DNAJC5: variants seen among roughly 807,000 people sequenced by gnomAD.
DNAJC5 encodes DnaJ heat shock protein family (Hsp40) member C5.
DNAJC5 carries 1 observed loss-of-function variant against 23.2 expected under a neutral mutation model. The ratio of observed to expected loss-of-function variants is 0.04; its 90% CI spans 0.02 to 0.20. The LOEUF is 0.20. DNAJC5 is among the 10% of genes least tolerant of loss of function. The probability of loss-of-function intolerance (pLI) is 1.00; values close to 1 mark genes in which losing one functional copy is unlikely to be tolerated. For synonymous variants in DNAJC5, 136 were observed against 120.0 expected, an observed-to-expected ratio of 1.13 and a Z score of -0.87; for missense variants, 180 against 267.0, an observed-to-expected ratio of 0.67 and a Z score of 2.27.
At chr20:63,919,362 G>C in intron 1 of DNAJC5, 1 of 516,538 alleles carries the variant, frequency 1.9e-6, no homozygotes, top group Middle Eastern at 6.6e-4. Context: ...TGATGGCACC[G>C]ACGTGTCCGG....
In DNAJC5 at chr20:63,895,341, C is replaced by T. The variant is rs1282115221; in HGVS notation, c.-12+18C>T. ...ACGGGCAGGTGAGCTCGCTGCGGGT[C>T]GGGCGGGCGGATCGGCCCACGTCAG... is the stretch of plus-strand genomic sequence containing the variant. On this transcript the variant is annotated intron_variant, in intron 1 of 4. Transcript: ENST00000360864. 6.9e-6 allele frequency: 1 copy of T among 145,440 alleles called. No individual in the cohort carries two copies. Among genetic ancestry groups the T allele is most frequent in the East Asian group, 2.0e-4 (1 of 5,052 alleles). The allele number at this position is 145,440 out of a possible 1,614,324, so 9.0% of individuals were successfully genotyped here.
At chr20:63,916,531 G>A (rs762605490) in intron 1 of DNAJC5, among the ~76,000 whole-genome samples, 1 of 152,172 alleles carries the variant, frequency 6.6e-6, no homozygotes, top group Non-Finnish European at 1.5e-5. Flanking sequence ...AAGGCAAAGG[G>A]CAAAAGTGGA....
chr20:63,905,658 C>T (rs146982268), intron 1 of DNAJC5, among the ~76,000 whole-genome samples: 32 of 151,630 alleles, frequency 2.1e-4, no homozygotes, highest in African/African-American at 7.7e-4. Flanking sequence ...CAACCTCCGC[C>T]TCCTGGGTTC....
intron 1 of DNAJC5, among the ~76,000 whole-genome samples, chr20:63,898,021 C>T (rs1281057835): frequency 5.3e-5 from 8 of 152,172 alleles, no homozygotes; most frequent in Non-Finnish European, 2.9e-5. Flanking sequence ...ACCACTGAGC[C>T]TGGTTGTACA....
At chr20:63,923,017 T>C (rs1261200735) in intron 1 of DNAJC5, among the ~76,000 whole-genome samples, 1 of 152,058 alleles carries the variant, frequency 6.6e-6, no homozygotes, top group East Asian at 1.9e-4. Flanking sequence ...GGTACGTGCC[T>C]GTAGTCCCAG....
rs201246021 is a variant in DNAJC5 at position 63,915,078 on chromosome 20, C to CG, written c.-11-13254dup. ...GGCACCTGTGGGTCCCAGGGAGAGA[C>CG]GGGCTGCTCCATGGATGCTCCTGGG... On this transcript the variant is annotated intron_variant, in intron 1 of 4. Transcript: ENST00000360864. Among the ~76,000 whole-genome samples, 1,379 of 152,220 alleles carry CG rather than the reference C, an allele frequency of 9.1e-3. 12 individuals are homozygous for CG. Among genetic ancestry groups the CG allele is most frequent in the African/African-American group, 0.032 (1,311 of 41,544 alleles).
Position 63,931,097 on chromosome 20 carries a change from C to T in DNAJC5, c.493+75C>T, listed in dbSNP as rs1300573309. On this transcript the variant is annotated intron_variant, in intron 4 of 4. Transcript: ENST00000360864. This position sits in a 1 kb window ranked among gnomAD's most constrained non-coding sequence, Gnocchi z 9.6. ...TGGGCCCTGAATGGTGTCAACCTGT[C>T]TTGTCAAACAGGAGGGCACTGACAC... 2.0e-6 allele frequency: 3 copies of T among 1,491,756 alleles called. No homozygotes were observed. Among genetic ancestry groups the T allele is most frequent in the Non-Finnish European group, 2.8e-6 (3 of 1,081,022 alleles). 92.4% of individuals were successfully genotyped at this position (1,491,756 alleles called of 1,614,324 possible).
chr20:63,931,714 C>A lies in DNAJC5; in HGVS notation c.*146C>A. On this transcript the variant is annotated 3_prime_UTR_variant, in exon 5 of 5. Transcript: ENST00000360864. The surrounding 1 kb of genome is among the most constrained non-coding windows in gnomAD (Gnocchi z 9.6). The stretch of plus-strand genomic sequence containing the variant: ...CCCTCCTGCCTCCACGCCCACCCAG[C>A]GTCGACCCTTGACCCACGAAGTGCG... The A allele has an allele frequency of 1.3e-6, 1 of 779,448 alleles. No individual in the cohort carries two copies. The highest frequency in any genetic ancestry group is 2.2e-6 in the Non-Finnish European group (1 of 458,052). The allele number at this position is 779,448 out of a possible 1,614,324, so 48.3% of individuals were successfully genotyped here.
Position 63,900,576 on chromosome 20 carries a change from C to CAAAA in DNAJC5, c.-12+5273_-12+5276dup, listed in dbSNP as rs752326573. Among the ~76,000 whole-genome samples the CAAAA allele has an allele frequency of 7.3e-3, 476 of 65,090 alleles. 14 individuals carry two copies. The highest frequency in any genetic ancestry group is 0.016 in the African/African-American group (249 of 15,362). 42.7% of individuals were successfully genotyped at this position (65,090 alleles called of 152,430 possible). A position where few individuals can be genotyped will look rare whatever the true frequency, so the allele number is the denominator to read the frequency against. On this transcript the variant is annotated intron_variant, in intron 1 of 4. Transcript: ENST00000360864. ...TGGGCGACAGAGCAAGACACTGTCTCAAAAAAAAAAAAAAAAAAAAAAAGG... is the reference window on the plus strand; with the variant it reads ...TGGGCGACAGAGCAAGACACTGTCTCAAAAAAAAAAAAAAAAAAAAAAAAAAAGG...
intron 1 of DNAJC5, among the ~76,000 whole-genome samples, chr20:63,899,022 T>G (rs912192240): frequency 7.2e-5 from 11 of 152,262 alleles, no homozygotes; most frequent in African/African-American, 2.6e-4. Context: ...TGCTAGGCCT[T>G]CCTTCGTGAA....
At chr20:63,916,712 C>G (rs1031497869) in intron 1 of DNAJC5, among the ~76,000 whole-genome samples, 1 of 152,180 alleles carries the variant, frequency 6.6e-6, no homozygotes, top group East Asian at 1.9e-4. Context: ...GGGCGTATTT[C>G]AGTCCTTATC....
At chr20:63,895,768 G>A (rs1156889950) in intron 1 of DNAJC5, among the ~76,000 whole-genome samples, 1 of 152,220 alleles carries the variant, frequency 6.6e-6, no homozygotes, top group African/African-American at 2.4e-5. Context: ...TATAGCTCGG[G>A]GAATTGAAAA....
At chr20:63,903,979 G>A (rs568235419) in intron 1 of DNAJC5, among the ~76,000 whole-genome samples, 40 of 152,212 alleles carry the variant, frequency 2.6e-4, no homozygotes, top group African/African-American at 9.1e-4. Context: ...CCAGCTACTC[G>A]AGAGGCTGAG....
intron 1 of DNAJC5, among the ~76,000 whole-genome samples, chr20:63,899,737 A>G (rs1367586373): frequency 6.6e-6 from 1 of 151,840 alleles, no homozygotes; most frequent in East Asian, 1.9e-4. Context: ...GGTCGCCACC[A>G]CGCCAGGCTA....
At chr20:63,930,165 T>A (rs1332638314) in intron 3 of DNAJC5, among the ~76,000 whole-genome samples, 1 of 152,196 alleles carries the variant, frequency 6.6e-6, no homozygotes, top group East Asian at 1.9e-4. Flanking sequence ...CTCACTAGAA[T>A]CCTTATAAAG....
intron 1 of DNAJC5, among the ~76,000 whole-genome samples, chr20:63,923,439 T>A (rs2146297187): frequency 6.8e-6 from 1 of 147,434 alleles, no homozygotes; most frequent in Non-Finnish European, 1.5e-5. Context: ...AAAACCTTGT[T>A]TCTAAAAAAA....
At chr20:63,906,418 A>C (rs1032910096) in intron 1 of DNAJC5, among the ~76,000 whole-genome samples, 3 of 152,126 alleles carry the variant, frequency 2.0e-5, no homozygotes, top group African/African-American at 7.2e-5. Flanking sequence ...TAAACCCAGA[A>C]GGCGGAGGTT....
chr20:63,930,701 C>T (rs2053661635), intron 3 of DNAJC5, 150 bp from the exon 4 acceptor site: 2 of 1,290,836 alleles, frequency 1.5e-6, no homozygotes, highest in Non-Finnish European at 2.2e-6. Context: ...CTCCTCCCTT[C>T]TTCAGTTCTT....
At chr20:63,898,046 C>T (rs190424918) in intron 1 of DNAJC5, among the ~76,000 whole-genome samples, 61 of 152,342 alleles carry the variant, frequency 4.0e-4, no homozygotes, top group Admixed American at 7.2e-4. Flanking sequence ...CCTCCGTGAC[C>T]AGCACCTTTG....
Sources: gnomAD v4.1 joint callset for allele counts (sites outside exome capture counted in the v4.1 genomes callset) on GRCh38, gnomAD v4.1.1 for gene constraint, Gnocchi (gnomAD v3.1) non-coding constraint, MANE v1.5 for transcripts, NCBI Gene and HGNC (gene_info 2026-07-23, HGNC 2026-07-21) for gene names.